HPSE2: variants seen among roughly 807,000 people sequenced by gnomAD.
The protein encoded by HPSE2 is inactive heparanase-2.
HPSE2 carries 38 observed loss-of-function variants against 60.5 expected under a neutral mutation model. The observed-to-expected ratio is 0.63, with a 90% CI of 0.48 to 0.82. HPSE2 has a LOEUF of 0.82. Among genes scored for constraint, HPSE2 ranks in the 40% least tolerant of loss-of-function variants. The pLI is 0.00. For synonymous variants in HPSE2, 295 were observed against 293.2 expected (o/e 1.01, Z -0.06); for missense variants, 713 against 740.4 (o/e 0.96, Z 0.43).
rs1353387743 is a variant in HPSE2, at chr10:99,103,587, C to A, written c.610+40651G>T. ...GGTCATTTATAGATTCAATGCCATC[C>A]CCATCAAGCTACCAATGACTTTCTT... On this transcript the variant is annotated intron_variant, in intron 3 of 11. Transcript: ENST00000370552. Among the ~76,000 whole-genome samples the A allele has an allele frequency of 2.0e-5, 3 of 152,086 alleles. No individual in the cohort carries two copies. In the East Asian group the frequency reaches 5.8e-4, roughly 29 times the overall value.
the HPSE2 span, among the ~76,000 whole-genome samples, chr10:99,291,020 G>A: frequency 1.3e-5 from 2 of 152,124 alleles, no homozygotes; most frequent in Non-Finnish European, 2.9e-5. Context: ...AAAAATAATT[G>A]TTGAACAACG....
At chr10:98,766,924 CA>C (rs1407832784) in intron 3 of HPSE2, among the ~76,000 whole-genome samples, 1 of 151,590 alleles carries the variant, frequency 6.6e-6, no homozygotes, top group Non-Finnish European at 1.5e-5. Context: ...GACCCTGTCT[CA>C]AAAACAAAAA....
At chr10:99,225,231 A>G (rs1307865712) in intron 2 of HPSE2, among the ~76,000 whole-genome samples, 1 of 152,126 alleles carries the variant, frequency 6.6e-6, no homozygotes, top group Non-Finnish European at 1.5e-5. Context: ...TGGCAGACAA[A>G]TTGTGAAATG....
chr10:98,768,826 T>C (rs929575043), intron 3 of HPSE2, among the ~76,000 whole-genome samples: 2 of 152,074 alleles, frequency 1.3e-5, no homozygotes, highest in African/African-American at 4.8e-5. Context: ...TTGAGGCAGG[T>C]GGATACTTGA....
At chr10:98,745,719 G>T (rs1949612979) in intron 3 of HPSE2, among the ~76,000 whole-genome samples, 2 of 152,028 alleles carry the variant, frequency 1.3e-5, no homozygotes, top group Admixed American at 6.6e-5. Flanking sequence ...ATGACTTCAG[G>T]TAGTACACAG....
At chr10:98,743,071 C>T (rs547057212) in intron 4 of HPSE2, among the ~76,000 whole-genome samples, 1 of 147,232 alleles carries the variant, frequency 6.8e-6, no homozygotes, top group Non-Finnish European at 1.5e-5. Flanking sequence ...CTCCTGGGTT[C>T]AAGCGATTCT....
At chr10:99,004,916 G>A (rs993708513) in intron 3 of HPSE2, among the ~76,000 whole-genome samples, 47 of 152,114 alleles carry the variant, frequency 3.1e-4, no homozygotes, top group African/African-American at 1.1e-3. Flanking sequence ...GCTGAATACA[G>A]TACTCTTGGT....
At chr10:98,993,460 T>C (rs1956573748) in intron 3 of HPSE2, among the ~76,000 whole-genome samples, 1 of 152,244 alleles carries the variant, frequency 6.6e-6, no homozygotes, top group African/African-American at 2.4e-5. Context: ...ACTGCCATAA[T>C]AGTATATAGT....
At chr10:99,148,841 T>G (rs1233110723) in intron 2 of HPSE2, among the ~76,000 whole-genome samples, 1 of 151,910 alleles carries the variant, frequency 6.6e-6, no homozygotes, top group Non-Finnish European at 1.5e-5. Context: ...GTTGAAACTA[T>G]GATTCAATGG....
At chr10:99,155,415 A>G (rs1246297240) in intron 2 of HPSE2, among the ~76,000 whole-genome samples, 1 of 149,230 alleles carries the variant, frequency 6.7e-6, no homozygotes, top group African/African-American at 2.4e-5. Flanking sequence ...CTCAGACCAC[A>G]GTGCAATCAA....
chr10:99,102,868 C>T lies in HPSE2; in HGVS notation c.610+41370G>A, dbSNP rs370881823. Among the ~76,000 whole-genome samples, 142 of 152,176 alleles carry T rather than the reference C, an allele frequency of 9.3e-4. 2 individuals carry two copies. The East Asian group carries it at 0.025, about 27-fold the overall frequency. ...AATGTAATCCATCATATAAACAGAA[C>T]CAAAGACAAAAACCACATGATTATC... On this transcript the variant is annotated intron_variant, in intron 3 of 11. Coordinates refer to ENST00000370552, the MANE Select transcript of HPSE2 (RefSeq NM_021828.5).
At chr10:98,693,336 C>T (rs77609185) in intron 6 of HPSE2, among the ~76,000 whole-genome samples, 4,589 of 152,206 alleles carry the variant, frequency 0.03, 149 homozygotes, top group East Asian at 0.12. Flanking sequence ...TTTTCATTAT[C>T]CTGCAGTAAC....
At chr10:98,766,152 T>C (rs1950114708) in intron 3 of HPSE2, among the ~76,000 whole-genome samples, 1 of 152,120 alleles carries the variant, frequency 6.6e-6, no homozygotes, top group Non-Finnish European at 1.5e-5. Context: ...AACTATCCAC[T>C]ATCCATAAAT....
At chr10:98,720,010 A>G (rs1241416334) in intron 5 of HPSE2, among the ~76,000 whole-genome samples, 1 of 152,142 alleles carries the variant, frequency 6.6e-6, no homozygotes, top group African/African-American at 2.4e-5. Context: ...TTAAAAAACA[A>G]CAATAAAAAA....
At chr10:98,830,083 CTCAT>C (rs879661645) in intron 3 of HPSE2, among the ~76,000 whole-genome samples, 6 of 151,788 alleles carry the variant, frequency 4.0e-5, no homozygotes, top group African/African-American at 7.2e-5. Flanking sequence ...TTCTCATTCA[CTCAT>C]TCATTCATTC....
chr10:98,755,928 G>A (rs547601131), intron 3 of HPSE2, among the ~76,000 whole-genome samples: 5 of 152,228 alleles, frequency 3.3e-5, no homozygotes, highest in Middle Eastern at 3.4e-3. Context: ...CCAGGGAGTT[G>A]GAGGTTGCAG....
At chr10:98,541,903 CA>C (rs1943478611) in intron 9 of HPSE2, among the ~76,000 whole-genome samples, 1 of 152,148 alleles carries the variant, frequency 6.6e-6, no homozygotes, top group Non-Finnish European at 1.5e-5. Context: ...CACAGACAAA[CA>C]AAAAGACAGC....
intron 2 of HPSE2, among the ~76,000 whole-genome samples, chr10:99,167,001 T>G (rs540479375): frequency 2.8e-4 from 42 of 150,240 alleles, no homozygotes; most frequent in Non-Finnish European, 5.6e-4. Context: ...TTTCTTTCCT[T>G]TTTGTTTGTT....
intron 3 of HPSE2, among the ~76,000 whole-genome samples, chr10:99,065,326 C>T (rs1162188007): frequency 6.6e-6 from 1 of 152,114 alleles, no homozygotes; most frequent in Admixed American, 6.6e-5. Context: ...TCCTTCTGCA[C>T]CCAGTTTGCC....
Sources: allele counts gnomAD v4.1 joint callset (sites outside exome capture counted in the v4.1 genomes callset), GRCh38; gene constraint gnomAD v4.1.1; transcripts MANE v1.5; gene names NCBI Gene and HGNC (gene_info 2026-07-23, HGNC 2026-07-21).